The following NEK4 variants were observed in gnomAD, a reference collection of about 807,000 sequenced individuals.
NEK4 encodes the protein serine/threonine-protein kinase Nek4.
Under a neutral mutation model 98.4 loss-of-function variants are expected in NEK4, and 86 were observed. That is an observed-to-expected ratio of 0.87 (90% CI 0.73 to 1.05). NEK4 has a LOEUF of 1.05. NEK4 is among the 50% of genes least tolerant of loss of function. NEK4 has a pLI of 0.00. For synonymous variants in NEK4, 328 were observed against 342.2 expected (o/e 0.96, Z 0.46); for missense variants, 898 against 950.3 (o/e 0.94, Z 0.72).
At chr3:52,717,763 A>C (rs1197993419) in intron 15 of NEK4, among the ~76,000 whole-genome samples, 1 of 152,088 alleles carries the variant, frequency 6.6e-6, no homozygotes, top group African/African-American at 2.4e-5. Flanking sequence ...AGTGTAACTG[A>C]GTACCTCCAC....
chr3:52,727,388 GAA>G (rs2097365532), intron 15 of NEK4, among the ~76,000 whole-genome samples: 1 of 152,214 alleles, frequency 6.6e-6, no homozygotes, highest in East Asian at 1.9e-4. Flanking sequence ...AGATTTTAAA[GAA>G]AAGATAGCAC....
chr3:52,726,372 G>T (rs2097364571), intron 15 of NEK4, among the ~76,000 whole-genome samples: 1 of 152,114 alleles, frequency 6.6e-6, no homozygotes, highest in African/African-American at 2.4e-5. Flanking sequence ...GCTGAGGCAG[G>T]TGAATCACGA....
At chr3:52,738,572 G>A (rs1437222200) in intron 14 of NEK4, among the ~76,000 whole-genome samples, 2 of 151,502 alleles carry the variant, frequency 1.3e-5, no homozygotes, top group Admixed American at 6.6e-5. Context: ...TACCTCAGCC[G>A]CCTGAGTAGC....
At chr3:52,715,281 T>C (rs528624393) in intron 15 of NEK4, among the ~76,000 whole-genome samples, 3 of 152,324 alleles carry the variant, frequency 2.0e-5, no homozygotes, top group African/African-American at 7.2e-5. Context: ...AGAGAGGAGC[T>C]ACCCTCTGCT....
At chr3:52,733,289 G>T in intron 15 of NEK4, 2 of 325,144 alleles carry the variant, frequency 6.2e-6, no homozygotes, top group South Asian at 7.0e-5. Flanking sequence ...CAAACGTAGT[G>T]ACTGTCACAA....
intron 15 of NEK4, among the ~76,000 whole-genome samples, chr3:52,714,685 G>A (rs367631363): frequency 6.1e-4 from 93 of 152,272 alleles, no homozygotes; most frequent in African/African-American, 2.1e-3. Context: ...CAGCGTGGTC[G>A]GGCGCAAAGG....
chr3:52,766,285 C>T lies in NEK4; in HGVS notation c.451G>A (p.Gly151Arg). 1 of 1,613,996 alleles carries T rather than the reference C, an allele frequency of 6.2e-7. No individual in the cohort carries two copies. Among genetic ancestry groups the T allele is most frequent in the Non-Finnish European group, 8.5e-7 (1 of 1,179,904 alleles). ...RTNIIKVGDL[G>R]IARVLENHCD... ...TGGTTCTCTAACACTCGGGCAATTCCTAGGTCCCCTACTTTGATGATGTTT... is the reference window on the plus strand; with the variant it reads ...TGGTTCTCTAACACTCGGGCAATTCTTAGGTCCCCTACTTTGATGATGTTT... Residue 151 changes from glycine to arginine, a missense_variant, in exon 3 of 16, where the codon GGA (glycine) becomes AGA (arginine). Physicochemically the swap from Gly to Arg is moderately radical, Grantham distance 125. Transcript: ENST00000233027.
Position 52,752,207 on chromosome 3 carries a change from C to T in NEK4, c.1093G>A (p.Val365Ile), listed in dbSNP as rs754779685. ...TTTGCAGGTAAGATGTCAATATTTA[C>T]GCTACTGATTGTGGCTAGTTCTGTG... ...NTTELATISS[V>I]NIDILPAKGR... is the part of the protein sequence containing the mutation. Residue 365 changes from valine to isoleucine, a missense_variant, in exon 7 of 16, where the codon GTA (valine) becomes ATA (isoleucine). By Grantham distance (29) the Val-to-Ile change is conservative (BLOSUM62 3). Coordinates refer to ENST00000233027, the MANE Select transcript of NEK4 (RefSeq NM_003157.6). The T allele has an allele frequency of 1.2e-5, 19 of 1,614,076 alleles. No homozygotes were observed. Among genetic ancestry groups the T allele is most frequent in the Admixed American group, 5.0e-5 (3 of 59,994 alleles).
At chr3:52,760,209 TTTTA>T (rs1471523601) in intron 6 of NEK4, among the ~76,000 whole-genome samples, 2 of 152,058 alleles carry the variant, frequency 1.3e-5, no homozygotes, top group South Asian at 2.1e-4. Context: ...ATTTATTTTA[TTTTA>T]TTTATTTTTA....
chr3:52,753,498 C>T (rs2097409242), intron 6 of NEK4: 1 of 429,134 alleles, frequency 2.3e-6, no homozygotes, highest in Non-Finnish European at 4.6e-6. Context: ...TGACATACTA[C>T]TGAATTTCTT....
intron 5 of NEK4, among the ~76,000 whole-genome samples, chr3:52,761,140 A>C (rs926805725): frequency 2.0e-5 from 3 of 152,238 alleles, no homozygotes; most frequent in African/African-American, 7.2e-5. Context: ...AAAAATAAAC[A>C]AAGTGAGAAA....
rs989067500 is a variant in NEK4 at position 52,769,912 on chromosome 3, G to A, written c.93+742C>T. On this transcript the variant is annotated intron_variant, in intron 1 of 15. Transcript: ENST00000233027. ...TTTGAGAAAGATCACTGAGGCTGCA[G>A]TGAAAGTGATGGATTGGAGAAAAGC... Among the ~76,000 whole-genome samples the A allele has an allele frequency of 2.0e-5, 3 of 152,332 alleles. 1 individual carries two copies. The South Asian group carries it at 6.2e-4, about 32-fold the overall frequency.
In NEK4 at chr3:52,746,788, T is replaced by C. The variant is rs751699975; in HGVS notation, c.1623A>G (p.Arg541=). 1 of 1,614,144 alleles carries C rather than the reference T, an allele frequency of 6.2e-7. No individual in the cohort carries two copies. The highest frequency in any genetic ancestry group is 2.2e-5 in the East Asian group (1 of 44,880). Residue 541 remains arginine, a synonymous_variant, in exon 9 of 16, where the codon AGA becomes AGG. Transcript: ENST00000233027. ...SLSRQRRQKR[R]EQTEHRGEKR... is the part of the protein sequence containing the mutation. ...TTTCCCCTCTGTGCTCAGTCTGTTC[T>C]CTCCTCTTTTGCCGTCGCTGTCGAG...
At position 52,711,396 on chromosome 3, in the gene NEK4, A is replaced by G. The variant is rs2097350238; in HGVS notation, c.*381T>C. 6.4e-6 allele frequency: 1 copy of G among 156,270 alleles called. No homozygotes were observed. The highest frequency in any genetic ancestry group is 2.0e-4 in the South Asian group (1 of 4,882). 9.7% of individuals were successfully genotyped at this position (156,270 alleles called of 1,614,324 possible). A position where few individuals can be genotyped will look rare whatever the true frequency, so the allele number is the denominator to read the frequency against. ...ACATATTATGTCATTTGTTTCTCCTACTGCTTTTATCTCTACATTACAATA... is the reference window on the plus strand; with the variant it reads ...ACATATTATGTCATTTGTTTCTCCTGCTGCTTTTATCTCTACATTACAATA... On this transcript the variant is annotated 3_prime_UTR_variant, in exon 16 of 16. Transcript: ENST00000233027.
rs1275468155 is a variant in NEK4, at chr3:52,763,578, A to G, written c.713T>C (p.Ile238Thr). The stretch of plus-strand genomic sequence containing the variant: ...AGGCCTTTTGCTCAGCATTGTTCTT[A>G]TCAGTTCTGCCAGCTCTGGGCTGTA... ...RDYSPELAEL[I>T]RTMLSKRPEE... Residue 238 changes from isoleucine (I) to threonine (T), a missense_variant, in exon 5 of 16, where the codon ATA (isoleucine) becomes ACA (threonine). Physicochemically the swap from Ile to Thr is moderately conservative, Grantham distance 89. Coordinates refer to ENST00000233027, the MANE Select transcript of NEK4 (RefSeq NM_003157.6). 1 of 1,612,968 alleles carries G rather than the reference A, an allele frequency of 6.2e-7. No individual in the cohort carries two copies. The highest frequency in any genetic ancestry group is 8.5e-7 in the Non-Finnish European group (1 of 1,179,358).
intron 15 of NEK4, among the ~76,000 whole-genome samples, chr3:52,734,452 C>CAAAAAAAAAA: frequency 9.9e-6 from 1 of 100,612 alleles, no homozygotes; most frequent in Non-Finnish European, 2.0e-5. Context: ...GACTCCAACT[C>CAAAAAAAAAA]AAAAAAAAAA....
At chr3:52,741,328 T>A in intron 13 of NEK4, 83 bp downstream of exon 13, 1 of 797,932 alleles carries the variant, frequency 1.3e-6, no homozygotes, top group Non-Finnish European at 2.2e-6. Context: ...ATACTAGAGA[T>A]CTAAATACTA....
In NEK4 at chr3:52,710,411, T is replaced by C. The variant is rs954301365; in HGVS notation, c.*1366A>G. ...AGTGGCTGTAAAGGGAACATTTCATTAGAGTATTTGTGTGTGTGTGTAATT... is the reference window on the plus strand; with the variant it reads ...AGTGGCTGTAAAGGGAACATTTCATCAGAGTATTTGTGTGTGTGTGTAATT... On this transcript the variant is annotated 3_prime_UTR_variant, in exon 16 of 16. Coordinates refer to ENST00000233027, the MANE Select transcript of NEK4 (RefSeq NM_003157.6). 2.6e-5 allele frequency: 4 copies of C among 151,342 alleles called. No homozygotes were observed. Among genetic ancestry groups the C allele is most frequent in the Non-Finnish European group, 5.9e-5 (4 of 67,924 alleles). 9.4% of individuals were successfully genotyped at this position (151,342 alleles called of 1,614,324 possible).
rs1194259610 is a variant in NEK4, at chr3:52,752,186, C to T, written c.1114G>A (p.Ala372Thr). 6.2e-7 allele frequency: 1 copy of T among 1,614,070 alleles called. No homozygotes were observed. The highest frequency in any genetic ancestry group is 1.3e-5 in the African/African-American group (1 of 74,910). The change falls in exon 7 of 16, where the codon GCA (alanine) becomes ACA (threonine). Residue 372 changes from alanine (A) to threonine (T), a missense_variant. Transcript: ENST00000233027. ...ISSVNIDILP[A>T]KGRDSVSDGF... ...TCACTCACTGAATCCCTCCCTTTTG[C>T]AGGTAAGATGTCAATATTTACGCTA...
Sources: allele counts gnomAD v4.1 joint callset (sites outside exome capture counted in the v4.1 genomes callset), GRCh38; gene constraint gnomAD v4.1.1; transcripts MANE v1.5; gene names NCBI Gene and HGNC (gene_info 2026-07-23, HGNC 2026-07-21).